TDRKH: variants seen among roughly 807,000 people sequenced by gnomAD.
The protein encoded by TDRKH is tudor and KH domain containing, also known as tudor and KH domain-containing protein.
TDRKH carries 28 observed loss-of-function variants against 61.3 expected under a neutral mutation model. The ratio of observed to expected loss-of-function variants is 0.46; its 90% CI spans 0.34 to 0.63. TDRKH has a LOEUF of 0.63. Among genes scored for constraint, TDRKH ranks in the 20% least tolerant of loss-of-function variants. The pLI is 0.01. For synonymous variants in TDRKH, 219 were observed against 244.4 expected (o/e 0.90, Z 0.97); for missense variants, 540 against 683.4 (o/e 0.79, Z 2.34).
chr1:151,779,461 C>T (rs1649533735), intron 4 of TDRKH, among the ~76,000 whole-genome samples: 1 of 152,206 alleles, frequency 6.6e-6, no homozygotes, highest in Admixed American at 6.5e-5. Context: ...TTAAACTCTA[C>T]ACTTTGGCTA....
Position 151,782,919 on chromosome 1 carries a change from C to A in TDRKH, c.104G>T (p.Arg35Leu). Reference sequence around the variant, plus strand: ...CGTACCTCTGCTTTCCCTATACCTGCGGTATAGGATATAGGCAACTGTTGC... The same window carrying A: ...CGTACCTCTGCTTTCCCTATACCTGAGGTATAGGATATAGGCAACTGTTGC... ...ASATVAYILYRRYRESREERL... is the reference protein window; with the variant it reads ...ASATVAYILYLRYRESREERL... Residue 35 changes from arginine to leucine, a missense_variant, in exon 2 of 13, where the codon CGC becomes CTC. Physicochemically the swap from Arg to Leu is moderately radical, Grantham distance 102. Coordinates refer to ENST00000368824, the MANE Select transcript of TDRKH (RefSeq NM_001083965.2). 6.2e-7 allele frequency: 1 copy of A among 1,610,910 alleles called. No homozygotes were observed. The highest frequency in any genetic ancestry group is 1.1e-5 in the South Asian group (1 of 90,512).
At chr1:151,781,608 C>A in intron 2 of TDRKH, 21 bp from the exon 3 acceptor site, 1 of 1,608,838 alleles carries the variant, frequency 6.2e-7, no homozygotes. Flanking sequence ...CATTGTTCAT[C>A]AGATCAGACT....
rs1649952298 is a variant in TDRKH, at chr1:151,782,767, C to T, written c.124+132G>A. On this transcript the variant is annotated intron_variant, in intron 2 of 12. Coordinates refer to ENST00000368824, the MANE Select transcript of TDRKH (RefSeq NM_001083965.2). ...GCTAGGTGACAGAGTGAGACCCTGTCTCAAAAAAACCCCACAAAAAACCCC... is the reference window on the plus strand; with the variant it reads ...GCTAGGTGACAGAGTGAGACCCTGTTTCAAAAAAACCCCACAAAAAACCCC... 6 of 1,259,988 alleles carry T rather than the reference C, an allele frequency of 4.8e-6. No homozygotes were observed. In the Admixed American group the frequency reaches 8.3e-5, roughly 17 times the overall value. 78.1% of individuals were successfully genotyped at this position (1,259,988 alleles called of 1,614,324 possible).
intron 2 of TDRKH, among the ~76,000 whole-genome samples, chr1:151,782,529 C>T (rs1377036327): frequency 6.6e-6 from 1 of 151,982 alleles, no homozygotes; most frequent in Non-Finnish European, 1.5e-5. Context: ...GGCATGGAGG[C>T]ACATGCCTGT....
In TDRKH at chr1:151,775,461, G is replaced by T; in HGVS notation, c.1365C>A (p.Ile455=). 1 of 1,614,172 alleles carries T rather than the reference G, an allele frequency of 6.2e-7. No individual in the cohort carries two copies. Among genetic ancestry groups the T allele is most frequent in the Non-Finnish European group, 8.5e-7 (1 of 1,180,040 alleles). ...CADWKPLVAK[I]SSYVQTGIST... ...AGATCCCAGTCTGGACATAGCTAGAGATCTTGGCTACCAGAGGCTTCCAGT... is the reference window on the plus strand; with the variant it reads ...AGATCCCAGTCTGGACATAGCTAGATATCTTGGCTACCAGAGGCTTCCAGT... Residue 455 remains isoleucine (I), a synonymous_variant, in exon 10 of 13, where the codon ATC becomes ATA. Coordinates refer to ENST00000368824, the MANE Select transcript of TDRKH (RefSeq NM_001083965.2).
At chr1:151,781,344 T>TATATATATATA (rs61409858) in intron 3 of TDRKH, 137 bp downstream of exon 3, 16 of 182,752 alleles carry the variant, frequency 8.8e-5, no homozygotes, top group Non-Finnish European at 1.4e-4. Flanking sequence ...TATATATATA[T>TATATATATATA]TTTATATATA....
downstream of TDRKH, chr1:151,767,913 T>G (rs1248407298): frequency 1.9e-6 from 2 of 1,032,020 alleles, no homozygotes; most frequent in African/African-American, 1.6e-5. Flanking sequence ...TTCCTGGGAC[T>G]AAGGGATATT....
At position 151,775,182 on chromosome 1, in the gene TDRKH, A is replaced by G; in HGVS notation, c.1435-16T>C. ...TATCAAGTTTCTGAGAAGAAAAATGAAAAGGGAATGATGTTCTCTCAGTAA... is the reference window on the plus strand; with the variant it reads ...TATCAAGTTTCTGAGAAGAAAAATGGAAAGGGAATGATGTTCTCTCAGTAA... On this transcript the variant is annotated splice_polypyrimidine_tract_variant and intron_variant, in intron 10 of 12. Coordinates refer to ENST00000368824, the MANE Select transcript of TDRKH (RefSeq NM_001083965.2). 1 of 1,613,490 alleles carries G rather than the reference A, an allele frequency of 6.2e-7. No homozygotes were observed. Among genetic ancestry groups the G allele is most frequent in the Non-Finnish European group, 8.5e-7 (1 of 1,179,454 alleles).
At position 151,774,560 on chromosome 1, in the gene TDRKH, A is replaced by G. The variant is rs559542237; in HGVS notation, c.1634-56T>C. 1.2e-5 allele frequency: 20 copies of G among 1,606,292 alleles called. No individual in the cohort carries two copies. In the South Asian group the frequency reaches 2.2e-4, roughly 18 times the overall value. On this transcript the variant is annotated intron_variant, in intron 12 of 12. Coordinates refer to ENST00000368824, the MANE Select transcript of TDRKH (RefSeq NM_001083965.2). ...AGACACTGCCCTATTCTAGCAGGCA[A>G]TGCCAGCGAGGCTCAAAAGAAAAAT...
intron 1 of TDRKH, among the ~76,000 whole-genome samples, chr1:151,784,681 G>A (rs182190461): frequency 6.4e-4 from 98 of 152,122 alleles, no homozygotes; most frequent in African/African-American, 2.3e-3. Flanking sequence ...ACACTGGAGT[G>A]CCTCAGGGAT....
Position 151,780,089 on chromosome 1 carries a change from C to T in TDRKH, c.283G>A (p.Asp95Asn), listed in dbSNP as rs756094631. The part of the protein sequence containing the change: ...RIDVDTEDVG[D>N]ERVLLISGFP... ...CCACTGATAAGCAGCACTCGCTCAT[C>T]GCCTACATCCTCTGTGTCCACATCA... Residue 95 changes from aspartate (D) to asparagine (N), a missense_variant, in exon 4 of 13, where the codon GAT becomes AAT. Transcript: ENST00000368824. The T allele has an allele frequency of 1.5e-5, 24 of 1,614,054 alleles. No homozygotes were observed. Among genetic ancestry groups the T allele is most frequent in the African/African-American group, 5.3e-5 (4 of 74,926 alleles).
chr1:151,788,733 C>A (rs1268411717), intron 1 of TDRKH, among the ~76,000 whole-genome samples: 1 of 152,216 alleles, frequency 6.6e-6, no homozygotes, highest in Non-Finnish European at 1.5e-5. Context: ...CATAATCACA[C>A]CTCTTTACAG....
chr1:151,769,159 T>C (rs1264574631), downstream of TDRKH, among the ~76,000 whole-genome samples: 6 of 152,086 alleles, frequency 3.9e-5, no homozygotes, highest in East Asian at 9.7e-4. Context: ...TCATGGCCCA[T>C]TCTCAATGAG....
At chr1:151,770,888 C>A (rs1781420), downstream of TDRKH, among the ~76,000 whole-genome samples, 62,098 of 152,084 alleles carry the variant, frequency 0.41, 13,768 homozygotes, top group Non-Finnish European at 0.51. Context: ...TGAAGTTCTG[C>A]AGGACTAACT....
chr1:151,774,911 T>C, intron 11 of TDRKH, 105 bp from the exon 12 acceptor site: 2 of 1,435,076 alleles, frequency 1.4e-6, no homozygotes, highest in South Asian at 1.2e-5. Context: ...CAGTTGCATT[T>C]GGCTACCAAG....
At chr1:151,767,975 G>A (rs1648423643), downstream of TDRKH, 3 of 1,547,966 alleles carry the variant, frequency 1.9e-6, no homozygotes, top group Non-Finnish European at 2.6e-6. Context: ...CCCCATCAAT[G>A]CCCACCTTGC....
At chr1:151,768,022 T>A (rs1390766661), downstream of TDRKH, 1 of 1,611,816 alleles carries the variant, frequency 6.2e-7, no homozygotes, top group Non-Finnish European at 8.5e-7. Flanking sequence ...GAGGTCTGAT[T>A]TGAAGACTAG....
downstream of TDRKH, chr1:151,769,374 C>CGGGGCGGCTGACCGGGCGGGGGCT (rs1648533327): frequency 2.1e-5 from 2 of 95,276 alleles, no homozygotes; most frequent in African/African-American, 4.4e-5. Context: ...CGGGCGGAGA[C>CGGGGCGGCTGACCGGGCGGGGGCT]GCCCCTCACT....
chr1:151,788,159 C>T (rs1294417174), intron 1 of TDRKH, among the ~76,000 whole-genome samples: 7 of 152,144 alleles, frequency 4.6e-5, no homozygotes, highest in South Asian at 2.1e-4. Flanking sequence ...TTGGTCAATG[C>T]GACAGTTGAA....
Sources: gnomAD v4.1 joint callset for allele counts (sites outside exome capture counted in the v4.1 genomes callset) on GRCh38, gnomAD v4.1.1 for gene constraint, MANE v1.5 for transcripts, NCBI Gene and HGNC (gene_info 2026-07-23, HGNC 2026-07-21) for gene names.